The following VTI1A variants were observed in gnomAD, a reference collection of about 807,000 sequenced individuals.
VTI1A encodes the protein vesicle transport through interaction with t-SNAREs homolog 1A.
A neutral mutation model predicts 34.9 loss-of-function variants in VTI1A; 22 were observed. That is an observed-to-expected ratio of 0.63 (90% CI 0.45 to 0.90). The LOEUF (loss-of-function observed/expected upper bound fraction) is 0.90. VTI1A is among the 40% of genes least tolerant of loss of function. The pLI is 0.00. For missense variants in VTI1A, 268 were observed against 275.6 expected (o/e 0.97, Z 0.20); for synonymous variants, 87 against 97.3 (o/e 0.89, Z 0.62).
chr10:112,595,538 G>A (rs539458594), intron 5 of VTI1A, among the ~76,000 whole-genome samples: 141 of 152,326 alleles, frequency 9.3e-4, no homozygotes, highest in African/African-American at 3.3e-3. Flanking sequence ...AGATATTTAT[G>A]CAGCCAAAAG....
chr10:112,826,826 C>A, the VTI1A span: 1 of 152,302 alleles, frequency 6.6e-6, no homozygotes, highest in Non-Finnish European at 1.5e-5. Context: ...GAGGATGCAA[C>A]TGCCCAAAAA....
At chr10:112,502,946 GAACA>G (rs1385920790) in intron 3 of VTI1A, among the ~76,000 whole-genome samples, 2 of 151,968 alleles carry the variant, frequency 1.3e-5, no homozygotes, top group Admixed American at 1.3e-4. Flanking sequence ...GATTCTTTAG[GAACA>G]AACAAAGGGT....
At chr10:112,464,827 G>A in intron 3 of VTI1A, 170 bp downstream of exon 3, 2 of 615,374 alleles carry the variant, frequency 3.3e-6, no homozygotes, top group Non-Finnish European at 5.7e-6. Flanking sequence ...GATAGCTAAT[G>A]GTGGAATTTA....
intron 5 of VTI1A, among the ~76,000 whole-genome samples, chr10:112,646,346 G>T (rs189324879): frequency 6.6e-6 from 1 of 152,240 alleles, no homozygotes; most frequent in Non-Finnish European, 1.5e-5. Flanking sequence ...GAGGCACCCA[G>T]TAGATTATTA....
intron 2 of VTI1A, among the ~76,000 whole-genome samples, chr10:112,463,608 T>C (rs1465354188): frequency 6.6e-6 from 1 of 152,140 alleles, no homozygotes; most frequent in Admixed American, 6.5e-5. Context: ...ATCCAAAGTG[T>C]TATCTGATAG....
chr10:112,829,430 C>T, the VTI1A span, among the ~76,000 whole-genome samples: 2 of 110,504 alleles, frequency 1.8e-5, no homozygotes, highest in African/African-American at 3.8e-5. Flanking sequence ...GGTGACAGAG[C>T]GAGACTCCGT....
chr10:112,687,205 T>C (rs906690402), intron 7 of VTI1A, among the ~76,000 whole-genome samples: 21 of 139,006 alleles, frequency 1.5e-4, no homozygotes, highest in Admixed American at 1.5e-3. Flanking sequence ...AAAACAGGCC[T>C]AGGCATACTA....
At position 112,802,277 on chromosome 10, in the gene VTI1A, CTG is replaced by C. The variant is rs562733833; in HGVS notation, c.561-13009_561-13008del. On this transcript the variant is annotated intron_variant, in intron 7 of 7. Coordinates refer to ENST00000393077, the MANE Select transcript of VTI1A (RefSeq NM_145206.4). ...ATAAATAAGTTTGTGTACTCAATGA[CTG>C]TGTCTATAGAAAATAATGTGAAGAT... Among the ~76,000 whole-genome samples, 18 of 152,190 alleles carry C rather than the reference CTG, an allele frequency of 1.2e-4. No individual in the cohort carries two copies. In the East Asian group the frequency reaches 3.5e-3, roughly 29 times the overall value.
chr10:112,516,474 T>C (rs188282892), intron 3 of VTI1A, among the ~76,000 whole-genome samples: 369 of 152,264 alleles, frequency 2.4e-3, no homozygotes, highest in Non-Finnish European at 3.7e-3. Context: ...TAGACAATTA[T>C]TCATTTATAG....
intron 3 of VTI1A, among the ~76,000 whole-genome samples, chr10:112,524,590 G>T (rs531859444): frequency 3.2e-4 from 48 of 152,212 alleles, no homozygotes; most frequent in Admixed American, 5.2e-4. Flanking sequence ...ACTCTTAATT[G>T]CTGGTTTTTA....
intron 7 of VTI1A, chr10:112,737,745 T>A (rs1369961505): frequency 4.4e-5 from 47 of 1,059,652 alleles, no homozygotes; most frequent in Non-Finnish European, 5.4e-5. Flanking sequence ...TCTGGCCGCC[T>A]TTCCTCTCAG....
At chr10:112,525,872 T>G (rs1850205847) in intron 3 of VTI1A, among the ~76,000 whole-genome samples, 1 of 152,230 alleles carries the variant, frequency 6.6e-6, no homozygotes, top group Non-Finnish European at 1.5e-5. Context: ...GCAGTGTCGC[T>G]TATTCACTAG....
rs778067046 is a variant in VTI1A, at chr10:112,538,269, A to C, written c.366A>C (p.Thr122=). The change falls in exon 5 of 8, where the codon ACA becomes ACC. Residue 122 remains threonine, a synonymous_variant. Coordinates refer to ENST00000393077, the MANE Select transcript of VTI1A (RefSeq NM_145206.4). ...ENQRAHLLDN[T]ERLERSSRRL... is the part of the protein sequence containing the mutation. ...AGAGGGCACATCTGCTCGATAACAC[A>C]GAGAGGCTGGAAAGGTCATCTCGGA... 4.3e-6 allele frequency: 7 copies of C among 1,613,440 alleles called. No homozygotes were observed. The South Asian group carries it at 7.7e-5, about 18-fold the overall frequency.
chr10:112,752,403 T>C (rs1316544592), intron 7 of VTI1A: 9 of 985,300 alleles, frequency 9.1e-6, no homozygotes, highest in African/African-American at 3.5e-5. Context: ...AGAGCTGATA[T>C]CTCTTTACCG....
chr10:112,518,589 CTATA>C lies in VTI1A; in HGVS notation c.265-8478_265-8475del, dbSNP rs34659243. Among the ~76,000 whole-genome samples, 447 of 94,274 alleles carry C rather than the reference CTATA, an allele frequency of 4.7e-3. 4 individuals carry two copies. The highest frequency in any genetic ancestry group is 7.2e-3 in the Non-Finnish European group (352 of 48,566). 61.8% of individuals were successfully genotyped at this position (94,274 alleles called of 152,430 possible). A position where few individuals can be genotyped will look rare whatever the true frequency, so the allele number is the denominator to read the frequency against. On this transcript the variant is annotated intron_variant, in intron 3 of 7. Coordinates refer to ENST00000393077, the MANE Select transcript of VTI1A (RefSeq NM_145206.4). ...TCTCTCTCTCTCTCTCTCTCTCTCT[CTATA>C]TATATATATATATATATATGTGTGT...
intron 5 of VTI1A, among the ~76,000 whole-genome samples, chr10:112,661,257 A>G (rs949986250): frequency 6.6e-6 from 1 of 152,200 alleles, no homozygotes; most frequent in Non-Finnish European, 1.5e-5. Context: ...TGCTGAGATT[A>G]TAGGCACATA....
chr10:112,641,887 C>T (rs1846588684), intron 5 of VTI1A, among the ~76,000 whole-genome samples: 1 of 152,172 alleles, frequency 6.6e-6, no homozygotes, highest in South Asian at 2.1e-4. Context: ...CACAAATGGG[C>T]CGCAGAAAGA....
At chr10:112,473,264 A>G (rs1010685272) in intron 3 of VTI1A, among the ~76,000 whole-genome samples, 3 of 151,726 alleles carry the variant, frequency 2.0e-5, no homozygotes, top group Non-Finnish European at 4.4e-5. Flanking sequence ...GCGCGCCACC[A>G]TGTCCAGCTA....
intron 7 of VTI1A, among the ~76,000 whole-genome samples, chr10:112,768,304 G>A (rs778817216): frequency 2.0e-5 from 3 of 152,206 alleles, no homozygotes; most frequent in East Asian, 1.9e-4. Context: ...TCCACAAGGC[G>A]CTTTCTGGAG....
Sources: gnomAD v4.1 joint callset for allele counts (sites outside exome capture counted in the v4.1 genomes callset) on GRCh38, gnomAD v4.1.1 for gene constraint, MANE v1.5 for transcripts, NCBI Gene and HGNC (gene_info 2026-07-23, HGNC 2026-07-21) for gene names.